The following POLD1 variants were observed in gnomAD, a reference collection of about 807,000 sequenced individuals.
POLD1 encodes the protein DNA polymerase delta 1, catalytic subunit, also known as DNA polymerase delta catalytic subunit.
Under a neutral mutation model 129.7 loss-of-function variants are expected in POLD1, and 79 were observed. The observed-to-expected ratio is 0.61, with a 90% confidence interval of 0.51 to 0.73. POLD1 has a LOEUF of 0.73. Ranked by LOEUF, POLD1 falls within the 30% of genes least tolerant of loss-of-function variation. The pLI is 0.00. For missense variants in POLD1, 1,338 were observed against 1,595.8 expected (o/e 0.84, Z 2.75); for synonymous variants, 714 against 683.3 (o/e 1.04, Z -0.70).
rs1555793604 is a variant in POLD1 at position 50,417,107 on chromosome 19, C to T, written c.3120+10C>T. On this transcript the variant is annotated intron_variant, in intron 25 of 26. Coordinates refer to ENST00000440232, the MANE Select transcript of POLD1 (RefSeq NM_002691.4). The stretch of plus-strand genomic sequence containing the variant: ...GCTGTATCAGAAGGAGGTGAGAGGG[C>T]CGGGAGGTGAGGAGGGGCCAGGTGG... 1 of 1,563,226 alleles carries T rather than the reference C, an allele frequency of 6.4e-7. No individual in the cohort carries two copies. The highest frequency in any genetic ancestry group is 8.7e-7 in the Non-Finnish European group (1 of 1,153,310).
At chr19:50,408,408 C>T (rs1305385921) in intron 14 of POLD1, among the ~76,000 whole-genome samples, 1 of 151,580 alleles carries the variant, frequency 6.6e-6, no homozygotes, top group Non-Finnish European at 1.5e-5. Flanking sequence ...CTTTTTTTGA[C>T]ACAGGGTCTC....
rs2038999968 is a variant in POLD1 at position 50,409,036 on chromosome 19, G to T, written c.1893-86G>T. The stretch of plus-strand genomic sequence containing the variant: ...AGGGGTGCTTGAGGGGCCTGCGTGT[G>T]CTCATGGCCAAGGCCAGGACCGTAG... On this transcript the variant is annotated intron_variant, in intron 15 of 26. Coordinates refer to ENST00000440232, the MANE Select transcript of POLD1 (RefSeq NM_002691.4). This position sits in a 1 kb window ranked among gnomAD's most constrained non-coding sequence, Gnocchi z 5.8. The T allele has an allele frequency of 7.5e-6, 10 of 1,328,962 alleles. No homozygotes were observed. The highest frequency in any genetic ancestry group is 1.1e-5 in the Non-Finnish European group (10 of 931,296). The allele number at this position is 1,328,962 out of a possible 1,614,324, so 82.3% of individuals were successfully genotyped here. A position where few individuals can be genotyped will look rare whatever the true frequency, so the allele number is the denominator to read the frequency against.
In POLD1 at chr19:50,388,825, C is replaced by CTTTTTTT. The variant is rs34487979; in HGVS notation, c.-2+4454_-2+4460dup. ...CCTCTGAAAACTCCAGCAGTTAACT[C>CTTTTTTT]TTTTTTTTTTTTTTTTTTTTTTTTT... On this transcript the variant is annotated intron_variant, in intron 1 of 26. Coordinates refer to ENST00000440232, the MANE Select transcript of POLD1 (RefSeq NM_002691.4). 3.0e-4 allele frequency among the ~76,000 whole-genome samples: 27 copies of CTTTTTTT among 88,894 alleles called. 2 individuals are homozygous for CTTTTTTT. Among genetic ancestry groups the CTTTTTTT allele is most frequent in the East Asian group, 7.3e-4 (2 of 2,722 alleles). 58.3% of individuals were successfully genotyped at this position (88,894 alleles called of 152,430 possible).
intron 17 of POLD1, among the ~76,000 whole-genome samples, chr19:50,412,539 A>G (rs1273109847): frequency 1.3e-5 from 2 of 152,202 alleles, no homozygotes; most frequent in African/African-American, 2.4e-5. Flanking sequence ...CAGGTGGAAC[A>G]AGTAAAAGCT....
intron 1 of POLD1, 133 bp from the exon 2 acceptor site, chr19:50,398,717 AG>A: frequency 7.1e-7 from 1 of 1,406,744 alleles, no homozygotes; most frequent in South Asian, 1.3e-5. Context: ...TGCAGGGTGC[AG>A]AGAGCTATGT....
In POLD1 at chr19:50,413,409, G is replaced by A; in HGVS notation, c.2155-17G>A. ...TGGCCCCCAGGGCTTCACTCCGCAT[G>A]ATTCTCTCCCCGACAGAGCGTCACG... On this transcript the variant is annotated splice_polypyrimidine_tract_variant and intron_variant, in intron 17 of 26. Coordinates refer to ENST00000440232, the MANE Select transcript of POLD1 (RefSeq NM_002691.4). 1 of 1,609,824 alleles carries A rather than the reference G, an allele frequency of 6.2e-7. No individual in the cohort carries two copies. The highest frequency in any genetic ancestry group is 8.5e-7 in the Non-Finnish European group (1 of 1,177,492).
intron 1 of POLD1, among the ~76,000 whole-genome samples, chr19:50,391,386 A>G (rs1462525992): frequency 3.3e-5 from 5 of 152,118 alleles, no homozygotes; most frequent in Admixed American, 6.5e-5. Context: ...AGATCACGCC[A>G]CTGCACTCCA....
At chr19:50,416,353 C>T in intron 22 of POLD1, 43 bp from the exon 23 acceptor site, 1 of 1,542,952 alleles carries the variant, frequency 6.5e-7, no homozygotes. Context: ...CACCCCGGTG[C>T]CCTTTCCCTG....
intron 1 of POLD1, among the ~76,000 whole-genome samples, chr19:50,394,523 T>G (rs1284451341): frequency 6.6e-6 from 1 of 151,812 alleles, no homozygotes; most frequent in African/African-American, 2.4e-5. Context: ...GGTATGATGG[T>G]GGACGCCTGT....
chr19:50,415,753 C>T lies in POLD1; in HGVS notation c.2747C>T (p.Pro916Leu). 6.4e-7 allele frequency: 1 copy of T among 1,566,804 alleles called. No individual in the cohort carries two copies. The highest frequency in any genetic ancestry group is 8.6e-7 in the Non-Finnish European group (1 of 1,158,860). ...AGGAAGCGGGACCCCGGGAGTGCGC[C>T]CAGCCTGGGCGACCGCGTCCCCTAC... ...RMRKRDPGSA[P>L]SLGDRVPYVI... The change falls in exon 22 of 27, where the codon CCC becomes CTC. Residue 916 changes from proline to leucine, a missense_variant. Around this residue, in one of 3 missense-constraint regions of POLD1, gnomAD observed 720 missense variants for 1,002.6 expected, o/e 0.72. Transcript: ENST00000440232.
At chr19:50,401,389 ATATTTTTTTTTT>A (rs1330213535) in intron 3 of POLD1, among the ~76,000 whole-genome samples, 37 of 60,290 alleles carry the variant, frequency 6.1e-4, no homozygotes, top group Middle Eastern at 7.8e-3. Context: ...ATATATATAT[ATATTTTTTTTTT>A]TTTTTTTTTT....
intron 1 of POLD1, among the ~76,000 whole-genome samples, chr19:50,390,901 G>A (rs3219318): frequency 0.18 from 27,576 of 151,852 alleles, 4,013 homozygotes; most frequent in African/African-American, 0.4. Context: ...GGGTAAGGCC[G>A]TAGATTAACA....
Position 50,401,854 on chromosome 19 carries a change from C to A in POLD1, c.393C>A (p.Thr131=), listed in dbSNP as rs532523142. Residue 131 remains threonine, a synonymous_variant, in exon 4 of 27, where the codon ACC becomes ACA. Transcript: ENST00000440232. ...CTGTGCTCCGCGCCTTCGGGGTCACCGATGAGGGGTTCTCTGTCTGCTGCC... is the reference window on the plus strand; with the variant it reads ...CTGTGCTCCGCGCCTTCGGGGTCACAGATGAGGGGTTCTCTGTCTGCTGCC... ...SVPVLRAFGV[T]DEGFSVCCHI... 2.5e-6 allele frequency: 4 copies of A among 1,613,968 alleles called. No individual in the cohort carries two copies. In the Admixed American group the frequency reaches 6.7e-5, roughly 27 times the overall value.
In POLD1 at chr19:50,406,661, C is replaced by T. The variant is rs375515556; in HGVS notation, c.1494+144C>T. 2.8e-4 allele frequency: 192 copies of T among 675,580 alleles called. No individual in the cohort carries two copies. The South Asian group carries it at 3.1e-3, about 11-fold the overall frequency. 41.8% of individuals were successfully genotyped at this position (675,580 alleles called of 1,614,324 possible). A position where few individuals can be genotyped will look rare whatever the true frequency, so the allele number is the denominator to read the frequency against. On this transcript the variant is annotated intron_variant, in intron 12 of 26. Coordinates refer to ENST00000440232, the MANE Select transcript of POLD1 (RefSeq NM_002691.4). This position sits in a 1 kb window ranked among gnomAD's most constrained non-coding sequence, Gnocchi z 5.5. ...GACCTGTGACCTTACCTGACGCCCA[C>T]TTTTTCCTGACCTCTGACCCCAGAT... is the stretch of plus-strand genomic sequence containing the variant.
At chr19:50,398,152 A>T (rs1166371169) in intron 1 of POLD1, among the ~76,000 whole-genome samples, 1 of 152,114 alleles carries the variant, frequency 6.6e-6, no homozygotes, top group Non-Finnish European at 1.5e-5. Context: ...GGCATTTGAG[A>T]TTATTTCAAA....
At chr19:50,391,239 C>T (rs1017912637) in intron 1 of POLD1, among the ~76,000 whole-genome samples, 2 of 152,006 alleles carry the variant, frequency 1.3e-5, no homozygotes, top group Admixed American at 6.6e-5. Flanking sequence ...AAGAGGCGCT[C>T]CTCACTTCCC....
Position 50,406,926 on chromosome 19 carries a change from T to C in POLD1, c.1495-57T>C. 4 of 1,358,020 alleles carry C rather than the reference T, an allele frequency of 2.9e-6. No homozygotes were observed. In the South Asian group the frequency reaches 5.3e-5, roughly 18 times the overall value. The allele number at this position is 1,358,020 out of a possible 1,614,324, so 84.1% of individuals were successfully genotyped here. A position where few individuals can be genotyped will look rare whatever the true frequency, so the allele number is the denominator to read the frequency against. On this transcript the variant is annotated intron_variant, in intron 12 of 26. Coordinates refer to ENST00000440232, the MANE Select transcript of POLD1 (RefSeq NM_002691.4). This position sits in a 1 kb window ranked among gnomAD's most constrained non-coding sequence, Gnocchi z 5.5. ...CACCCTGACCCCCACTTCCTTCTCC[T>C]GCTCCACCTCCCACCCCCAACCCCT... is the stretch of plus-strand genomic sequence containing the variant.
intron 24 of POLD1, 153 bp from the exon 25 acceptor site, chr19:50,416,892 C>CTG: frequency 9.7e-7 from 1 of 1,028,306 alleles, no homozygotes; most frequent in Non-Finnish European, 1.4e-6. Context: ...GCCCCCACCC[C>CTG]GGGAGTTCCC....
rs1243147142 is a variant in POLD1 at position 50,416,700 on chromosome 19, G to A, written c.3044G>A (p.Cys1015Tyr). Residue 1015 changes from cysteine (C) to tyrosine (Y), a missense_variant, in exon 24 of 27, where the codon TGC becomes TAC. Cys to Tyr is a radical substitution (Grantham distance 194, BLOSUM62 -2). Transcript: ENST00000440232. ...FAKRRNCCIG[C>Y]RTVLSHQGAV... ...AAACGCCGCAACTGCTGCATTGGCT[G>A]CCGCACAGTGCTCAGCCACCAGGGT... is the stretch of plus-strand genomic sequence containing the variant. The A allele has an allele frequency of 1.9e-6, 3 of 1,542,328 alleles. No homozygotes were observed. The highest frequency in any genetic ancestry group is 8.7e-7 in the Non-Finnish European group (1 of 1,148,654).
Sources: gnomAD v4.1 joint callset for allele counts (sites outside exome capture counted in the v4.1 genomes callset) on GRCh38, gnomAD v4.1.1 for gene constraint, gnomAD v4.1.1 regional missense constraint, Gnocchi (gnomAD v3.1) non-coding constraint, MANE v1.5 for transcripts, NCBI Gene and HGNC (gene_info 2026-07-23, HGNC 2026-07-21) for gene names.